RALGAPB: variants seen among roughly 807,000 people sequenced by gnomAD.
RALGAPB encodes Ral GTPase activating protein non-catalytic subunit beta.
In RALGAPB, 25 loss-of-function variants were observed where a neutral mutation model predicts 161.1. The observed-to-expected ratio is 0.16, with a 90% confidence interval of 0.11 to 0.22. The LOEUF (loss-of-function observed/expected upper bound fraction) is 0.22. Among genes scored for constraint, RALGAPB ranks in the 10% least tolerant of loss-of-function variants. The probability of loss-of-function intolerance (pLI) is 1.00; values close to 1 mark genes in which losing one functional copy is unlikely to be tolerated. For synonymous variants in RALGAPB, 629 were observed against 626.1 expected (o/e 1.00, Z -0.07); for missense variants, 1,391 against 1,815.2 (o/e 0.77, Z 4.25).
Position 38,551,158 on chromosome 20 carries a change from G to A in RALGAPB, c.3097G>A (p.Asp1033Asn). The change falls in exon 21 of 30, where the codon GAC becomes AAC. Residue 1033 changes from aspartate (D) to asparagine (N), a missense_variant. This residue lies in a region of RALGAPB where 9 missense variants were observed against 31.0 expected (regional missense o/e 0.29). Transcript: ENST00000262879. ...ACATCGGCCATTTCCTGAAGAGGTG[G>A]ACAAGATTCCTTTTGTGAAAGCAGA... Reference protein sequence around the residue: ...VKHRPFPEEVDKIPFVKADLS... With the variant: ...VKHRPFPEEVNKIPFVKADLS... The A allele has an allele frequency of 6.2e-7, 1 of 1,613,928 alleles. No individual in the cohort carries two copies.
chr20:38,510,570 A>C (rs1220391681), intron 6 of RALGAPB, among the ~76,000 whole-genome samples: 2 of 151,950 alleles, frequency 1.3e-5, no homozygotes, highest in Admixed American at 6.5e-5. Context: ...TGGATTGTGT[A>C]TTATTTAGGG....
At chr20:38,552,313 G>A (rs1199724667) in intron 21 of RALGAPB, among the ~76,000 whole-genome samples, 1 of 151,978 alleles carries the variant, frequency 6.6e-6, no homozygotes, top group Non-Finnish European at 1.5e-5. Flanking sequence ...GCCAATTTTT[G>A]TATTTTTAGT....
intron 6 of RALGAPB, among the ~76,000 whole-genome samples, chr20:38,510,782 C>T (rs1171298857): frequency 2.9e-5 from 4 of 140,074 alleles, no homozygotes; most frequent in South Asian, 2.1e-4. Flanking sequence ...TAGTGGCGGG[C>T]GCCTGTAGTC....
intron 13 of RALGAPB, among the ~76,000 whole-genome samples, chr20:38,529,505 G>A (rs1488749531): frequency 1.4e-5 from 2 of 145,178 alleles, no homozygotes; most frequent in East Asian, 2.1e-4. Context: ...CAATAAGAGC[G>A]AAACTCCGTC....
chr20:38,481,786 G>A (rs1263285896), intron 1 of RALGAPB, among the ~76,000 whole-genome samples: 1 of 152,154 alleles, frequency 6.6e-6, no homozygotes, highest in African/African-American at 2.4e-5. Context: ...AAAATAGATG[G>A]TTAATAGCTG....
At chr20:38,574,121 G>A in intron 28 of RALGAPB, 29 bp from the exon 29 acceptor site, 1 of 1,586,658 alleles carries the variant, frequency 6.3e-7, no homozygotes, top group Non-Finnish European at 8.6e-7. Context: ...ACTCTTGGGT[G>A]TCTGAGATAA....
intron 1 of RALGAPB, among the ~76,000 whole-genome samples, chr20:38,487,718 A>G (rs1275458306): frequency 6.6e-6 from 1 of 152,186 alleles, no homozygotes; most frequent in African/African-American, 2.4e-5. Flanking sequence ...CTAGGAGACT[A>G]CATATTCACA....
At chr20:38,524,244 A>G (rs2086386708) in intron 10 of RALGAPB, among the ~76,000 whole-genome samples, 1 of 152,222 alleles carries the variant, frequency 6.6e-6, no homozygotes, top group African/African-American at 2.4e-5. Flanking sequence ...GATCGAATGC[A>G]GGTTTCTTTC....
chr20:38,540,993 C>T lies in RALGAPB; in HGVS notation c.2563-48C>T, dbSNP rs572106902. 6.9e-6 allele frequency: 11 copies of T among 1,589,464 alleles called. No homozygotes were observed. The African/African-American group carries it at 1.2e-4, about 17-fold the overall frequency. ...ATTTGGATGGATTTCCTTGTCTTCT[C>T]ATGAGAAAGGTGTGTTCTAAAAATT... On this transcript the variant is annotated intron_variant, in intron 17 of 29. Coordinates refer to ENST00000262879, the MANE Select transcript of RALGAPB (RefSeq NM_020336.4).
At chr20:38,573,964 G>A (rs2088337924) in intron 28 of RALGAPB, 186 bp from the exon 29 acceptor site, 2 of 450,592 alleles carry the variant, frequency 4.4e-6, no homozygotes, top group Admixed American at 8.2e-5. Flanking sequence ...AGATGTTATA[G>A]GGGGTAGCAG....
chr20:38,563,075 A>C (rs1212695686), intron 24 of RALGAPB, among the ~76,000 whole-genome samples: 1 of 152,144 alleles, frequency 6.6e-6, no homozygotes, highest in Non-Finnish European at 1.5e-5. Flanking sequence ...TAAAAACTAA[A>C]CAGAGGTATA....
chr20:38,489,195 T>C (rs1048085088), intron 2 of RALGAPB, among the ~76,000 whole-genome samples: 2 of 152,198 alleles, frequency 1.3e-5, no homozygotes, highest in African/African-American at 4.8e-5. Flanking sequence ...GTTTCTTTTT[T>C]TTTGACAGAG....
chr20:38,572,936 G>T (rs568867381), intron 28 of RALGAPB, among the ~76,000 whole-genome samples: 6 of 152,056 alleles, frequency 3.9e-5, no homozygotes, highest in African/African-American at 1.4e-4. Context: ...AATTCCTTCA[G>T]TCTCTTTTAA....
At chr20:38,481,440 A>G (rs1018513433) in intron 1 of RALGAPB, among the ~76,000 whole-genome samples, 1 of 152,216 alleles carries the variant, frequency 6.6e-6, no homozygotes, top group Non-Finnish European at 1.5e-5. Context: ...GAAGAGCAAG[A>G]CACATCTTAT....
intron 16 of RALGAPB, among the ~76,000 whole-genome samples, chr20:38,537,466 T>C (rs1409093514): frequency 6.6e-6 from 1 of 152,094 alleles, no homozygotes; most frequent in African/African-American, 2.4e-5. Context: ...CATAAAAATA[T>C]ATATATAAAA....
intron 1 of RALGAPB, among the ~76,000 whole-genome samples, chr20:38,483,726 CAT>C (rs2085039143): frequency 1.3e-5 from 2 of 152,156 alleles, no homozygotes; most frequent in Non-Finnish European, 2.9e-5. Flanking sequence ...GTGATCAAGA[CAT>C]GTGAGGGTTC....
chr20:38,479,642 T>C (rs2084908057), intron 1 of RALGAPB, among the ~76,000 whole-genome samples: 1 of 152,220 alleles, frequency 6.6e-6, no homozygotes, highest in South Asian at 2.1e-4. Context: ...CTTCCCCTTC[T>C]TCCCATTATA....
chr20:38,507,206 A>G (rs988178594), intron 5 of RALGAPB, among the ~76,000 whole-genome samples: 4 of 152,106 alleles, frequency 2.6e-5, no homozygotes, highest in Non-Finnish European at 5.9e-5. Flanking sequence ...AAATTATTCT[A>G]TATAATATTA....
At chr20:38,550,161 G>T (rs1334501103) in intron 20 of RALGAPB, among the ~76,000 whole-genome samples, 1 of 152,186 alleles carries the variant, frequency 6.6e-6, no homozygotes, top group East Asian at 1.9e-4. Context: ...GGGGGAGTGG[G>T]GAGGGATAGC....
Sources: allele counts gnomAD v4.1 joint callset (sites outside exome capture counted in the v4.1 genomes callset), GRCh38; gene constraint gnomAD v4.1.1; regional missense constraint gnomAD v4.1.1; transcripts MANE v1.5; gene names NCBI Gene and HGNC (gene_info 2026-07-23, HGNC 2026-07-21).